The following NDUFS4 variants were observed in gnomAD, a reference collection of about 807,000 sequenced individuals.
NDUFS4 encodes the protein NADH dehydrogenase [ubiquinone] iron-sulfur protein 4, mitochondrial.
Under a neutral mutation model 24.3 loss-of-function variants are expected in NDUFS4, and 28 were observed. The ratio of observed to expected loss-of-function variants is 1.15; its 90% confidence interval spans 0.85 to 1.58. The LOEUF is 1.58. Among genes scored for constraint, NDUFS4 ranks in the 40% most tolerant of loss-of-function variants. NDUFS4 has a pLI of 0.00. For synonymous variants in NDUFS4, 93 were observed against 69.7 expected, an observed-to-expected ratio of 1.34 and a Z score of -1.67; for missense variants, 223 against 207.9, an observed-to-expected ratio of 1.07 and a Z score of -0.45.
At chr5:53,664,428 T>C (rs1346155082) in intron 4 of NDUFS4, among the ~76,000 whole-genome samples, 1 of 152,222 alleles carries the variant, frequency 6.6e-6, no homozygotes, top group African/African-American at 2.4e-5. Context: ...CAGAGTGTTT[T>C]CCAACTTGGT....
At chr5:53,602,333 C>T (rs530329786) in intron 1 of NDUFS4, among the ~76,000 whole-genome samples, 17 of 152,012 alleles carry the variant, frequency 1.1e-4, no homozygotes, top group African/African-American at 3.6e-4. Context: ...CATGTTAGTA[C>T]ATTTTGTGTA....
chr5:53,580,680 TCTTTCGTCC>T (rs1301302895), intron 1 of NDUFS4, among the ~76,000 whole-genome samples: 7 of 151,756 alleles, frequency 4.6e-5, no homozygotes, highest in African/African-American at 1.7e-4. Flanking sequence ...TCTTTCTTTC[TCTTTCGTCC>T]TTCCTTTCCT....
intron 2 of NDUFS4, among the ~76,000 whole-genome samples, chr5:53,637,409 C>T (rs1012625652): frequency 5.3e-5 from 8 of 152,108 alleles, no homozygotes; most frequent in African/African-American, 1.9e-4. Flanking sequence ...CTAGTCAAAG[C>T]CTTGGTAATA....
chr5:53,675,307 C>T (rs1251773014), intron 4 of NDUFS4, among the ~76,000 whole-genome samples: 3 of 151,738 alleles, frequency 2.0e-5, no homozygotes, highest in Admixed American at 6.6e-5. Flanking sequence ...GGACTACAGG[C>T]GCCCGCCACC....
intron 2 of NDUFS4, among the ~76,000 whole-genome samples, chr5:53,625,632 T>C (rs865777175): frequency 7.9e-5 from 12 of 152,322 alleles, no homozygotes; most frequent in African/African-American, 2.6e-4. Context: ...TGTCCAATTT[T>C]CTATTAATCC....
chr5:53,567,536 AATAT>A (rs527594708), intron 1 of NDUFS4, among the ~76,000 whole-genome samples: 188 of 152,292 alleles, frequency 1.2e-3, no homozygotes, highest in African/African-American at 4.0e-3. Context: ...GCTCTTAAAA[AATAT>A]ATATAACAAG....
intron 2 of NDUFS4, among the ~76,000 whole-genome samples, chr5:53,633,772 G>GT (rs1751474866): frequency 6.6e-6 from 1 of 152,192 alleles, no homozygotes; most frequent in Admixed American, 6.5e-5. Flanking sequence ...AGTATGTTGA[G>GT]TAAGGCAATT....
chr5:53,607,250 G>A (rs1750550565), intron 2 of NDUFS4, among the ~76,000 whole-genome samples: 1 of 152,128 alleles, frequency 6.6e-6, no homozygotes, highest in Admixed American at 6.5e-5. Context: ...TTTTTCAACC[G>A]TTGTGCCCAT....
intron 1 of NDUFS4, among the ~76,000 whole-genome samples, chr5:53,597,006 G>A (rs983357563): frequency 6.6e-5 from 10 of 152,170 alleles, no homozygotes; most frequent in Admixed American, 3.3e-4. Context: ...TAAAACAACA[G>A]TAGTCTTCTG....
chr5:53,672,475 G>A (rs1040057035), intron 4 of NDUFS4, among the ~76,000 whole-genome samples: 2 of 152,092 alleles, frequency 1.3e-5, no homozygotes, highest in East Asian at 1.9e-4. Context: ...GAAATTACAT[G>A]TGTATCAATT....
At chr5:53,569,181 A>C (rs1579817615) in intron 1 of NDUFS4, among the ~76,000 whole-genome samples, 1 of 152,150 alleles carries the variant, frequency 6.6e-6, no homozygotes, top group South Asian at 2.1e-4. Context: ...TACTTACAGG[A>C]ATTTGCATGA....
chr5:53,650,987 T>TG (rs992169599), intron 3 of NDUFS4, among the ~76,000 whole-genome samples: 1 of 152,176 alleles, frequency 6.6e-6, no homozygotes, highest in Non-Finnish European at 1.5e-5. Flanking sequence ...TGATTGAAAA[T>TG]GAGATATACT....
At chr5:53,664,406 G>C (rs1752446751) in intron 4 of NDUFS4, among the ~76,000 whole-genome samples, 1 of 152,078 alleles carries the variant, frequency 6.6e-6, no homozygotes, top group Non-Finnish European at 1.5e-5. Flanking sequence ...AGTTCTCCTG[G>C]ATAATATCCT....
At chr5:53,646,996 A>G (rs886554256) in intron 3 of NDUFS4, among the ~76,000 whole-genome samples, 3 of 152,034 alleles carry the variant, frequency 2.0e-5, no homozygotes, top group Middle Eastern at 3.4e-3. Flanking sequence ...TGTTTTATCC[A>G]AGATACTGTA....
At chr5:53,639,283 A>G (rs948978899) in intron 2 of NDUFS4, among the ~76,000 whole-genome samples, 2 of 151,872 alleles carry the variant, frequency 1.3e-5, no homozygotes, top group African/African-American at 4.8e-5. Context: ...TATTCTGTAG[A>G]TTAATACTAT....
chr5:53,674,500 T>A (rs1461365399), intron 4 of NDUFS4, among the ~76,000 whole-genome samples: 2 of 152,212 alleles, frequency 1.3e-5, no homozygotes, highest in African/African-American at 4.8e-5. Context: ...ATCAATGGAT[T>A]AGTATTCTGT....
intron 4 of NDUFS4, among the ~76,000 whole-genome samples, chr5:53,681,531 T>C (rs1267477735): frequency 6.6e-6 from 1 of 152,170 alleles, no homozygotes; most frequent in Non-Finnish European, 1.5e-5. Flanking sequence ...TAACTACTTG[T>C]TAATGTACGT....
intron 2 of NDUFS4, among the ~76,000 whole-genome samples, chr5:53,627,500 T>C (rs888359066): frequency 2.0e-5 from 3 of 152,224 alleles, no homozygotes; most frequent in Non-Finnish European, 4.4e-5. Context: ...ATATTGATTC[T>C]TCCTGTCCAT....
chr5:53,586,757 T>G (rs1439252554), intron 1 of NDUFS4, among the ~76,000 whole-genome samples: 1 of 152,024 alleles, frequency 6.6e-6, no homozygotes, highest in Non-Finnish European at 1.5e-5. Context: ...TCTCCTGACC[T>G]TGTGATCCGC....
Sources: allele counts gnomAD v4.1 joint callset (sites outside exome capture counted in the v4.1 genomes callset), GRCh38; gene constraint gnomAD v4.1.1; transcripts MANE v1.5; gene names NCBI Gene and HGNC (gene_info 2026-07-23, HGNC 2026-07-21).